MARCHF1: variants seen among roughly 807,000 people sequenced by gnomAD.
MARCHF1 encodes the protein E3 ubiquitin-protein ligase MARCHF1.
A neutral mutation model predicts 54.2 loss-of-function variants in MARCHF1; 40 were observed. The ratio of observed to expected loss-of-function variants is 0.74; its 90% CI spans 0.57 to 0.96. The LOEUF (loss-of-function observed/expected upper bound fraction) is 0.96. MARCHF1 is among the 40% of genes least tolerant of loss of function. The pLI, the probability that MARCHF1 is intolerant of heterozygous loss-of-function variation, is 0.00. For missense variants in MARCHF1, 586 were observed against 656.5 expected, an observed-to-expected ratio of 0.89 and a Z score of 1.17; for synonymous variants, 236 against 236.3, an observed-to-expected ratio of 1.00 and a Z score of 0.01.
At chr4:163,811,682 A>G (rs530902855) in intron 4 of MARCHF1, among the ~76,000 whole-genome samples, 2 of 152,340 alleles carry the variant, frequency 1.3e-5, no homozygotes, top group Non-Finnish European at 2.9e-5. Flanking sequence ...TTTTATTAGA[A>G]AAAAGTAGGC....
At chr4:163,626,356 T>C (rs2110975153) in intron 5 of MARCHF1, among the ~76,000 whole-genome samples, 1 of 152,332 alleles carries the variant, frequency 6.6e-6, no homozygotes, top group Non-Finnish European at 1.5e-5. Context: ...CAAAAGATTC[T>C]AAAGTGGTTG....
At chr4:163,909,211 G>C (rs899230113) in intron 3 of MARCHF1, among the ~76,000 whole-genome samples, 4 of 152,064 alleles carry the variant, frequency 2.6e-5, no homozygotes, top group Non-Finnish European at 5.9e-5. Context: ...TAATTAAATT[G>C]TGTTCACACA....
chr4:163,925,276 G>A (rs1360073049), intron 3 of MARCHF1, among the ~76,000 whole-genome samples: 1 of 151,816 alleles, frequency 6.6e-6, no homozygotes, highest in Non-Finnish European at 1.5e-5. Flanking sequence ...ATTCAGAGTA[G>A]AACCCCAGAT....
At chr4:163,716,733 C>T (rs1745269844) in intron 4 of MARCHF1, among the ~76,000 whole-genome samples, 1 of 152,126 alleles carries the variant, frequency 6.6e-6, no homozygotes, top group African/African-American at 2.4e-5. Flanking sequence ...AAAAGAGTAT[C>T]ACCTAACAAT....
In MARCHF1 at chr4:163,749,755, C is replaced by T. The variant is rs1009229283; in HGVS notation, c.112-48892G>A. Among the ~76,000 whole-genome samples the T allele has an allele frequency of 3.9e-5, 6 of 152,140 alleles. No homozygotes were observed. In the South Asian group the frequency reaches 8.3e-4, roughly 21 times the overall value. The stretch of plus-strand genomic sequence containing the variant: ...GCCAAGCAGAAGCACTTAACAGTGG[C>T]TATCTCAGTAAGATGTTCAAATATT... On this transcript the variant is annotated intron_variant, in intron 4 of 9. Transcript: ENST00000514618.
At chr4:164,000,383 G>A (rs938738265) in intron 2 of MARCHF1, among the ~76,000 whole-genome samples, 2 of 151,700 alleles carry the variant, frequency 1.3e-5, no homozygotes, top group African/African-American at 4.8e-5. Flanking sequence ...GTAGTTGCCA[G>A]GGATGCCAGA....
intron 4 of MARCHF1, among the ~76,000 whole-genome samples, chr4:163,735,461 G>T (rs1483114242): frequency 1.3e-5 from 2 of 152,110 alleles, no homozygotes; most frequent in African/African-American, 4.8e-5. Flanking sequence ...GGTTTGTGTT[G>T]CTATAACAGA....
chr4:164,168,400 T>G (rs1730436307), intron 1 of MARCHF1, among the ~76,000 whole-genome samples: 1 of 152,022 alleles, frequency 6.6e-6, no homozygotes, highest in Non-Finnish European at 1.5e-5. Flanking sequence ...TGTGTATATG[T>G]CCAAAGGAGA....
chr4:164,109,216 T>A (rs1028107760), intron 2 of MARCHF1, among the ~76,000 whole-genome samples: 3 of 151,994 alleles, frequency 2.0e-5, no homozygotes, highest in Non-Finnish European at 1.5e-5. Flanking sequence ...GATCATATAA[T>A]CCTAGGTTTA....
At chr4:164,307,809 G>A (rs528485358) in intron 1 of MARCHF1, among the ~76,000 whole-genome samples, 17 of 152,264 alleles carry the variant, frequency 1.1e-4, no homozygotes, top group Non-Finnish European at 2.5e-4. Flanking sequence ...TATAATGCAA[G>A]TTGTACAATG....
intron 1 of MARCHF1, among the ~76,000 whole-genome samples, chr4:164,306,615 T>G (rs1225408044): frequency 6.6e-6 from 1 of 152,136 alleles, no homozygotes; most frequent in Non-Finnish European, 1.5e-5. Context: ...CTATATCTGC[T>G]GTAACAAAAT....
intron 7 of MARCHF1, among the ~76,000 whole-genome samples, chr4:163,605,433 T>C (rs4691094): frequency 0.75 from 114,066 of 152,108 alleles, 44,476 homozygotes; most frequent in Non-Finnish European, 0.86. Flanking sequence ...TGTGGAGAAA[T>C]AGGAACGCTT....
At chr4:163,891,889 T>G (rs1750668925) in intron 3 of MARCHF1, among the ~76,000 whole-genome samples, 1 of 152,210 alleles carries the variant, frequency 6.6e-6, no homozygotes, top group South Asian at 2.1e-4. Flanking sequence ...TATTAGCACA[T>G]GCTTTTGCTA....
chr4:164,344,458 TTGTGTG>T lies in MARCHF1; in HGVS notation c.-323+39406_-323+39411del, dbSNP rs144379635. ...TGTGTGTTTGTGCACATGCACGTGTTTGTGTGTGTGTGTGTGTGTGTGTGTGTGTGT... is the reference window on the plus strand; with the variant it reads ...TGTGTGTTTGTGCACATGCACGTGTTTGTGTGTGTGTGTGTGTGTGTGTGT... On this transcript the variant is annotated intron_variant, in intron 1 of 9. Coordinates refer to ENST00000514618, the MANE Select transcript of MARCHF1 (RefSeq NM_001394959.1). Among the ~76,000 whole-genome samples, 1,203 of 148,078 alleles carry T rather than the reference TTGTGTG, an allele frequency of 8.1e-3. 12 individuals are homozygous for T. Among genetic ancestry groups the T allele is most frequent in the African/African-American group, 0.019 (760 of 40,716 alleles).
chr4:163,770,513 C>T (rs551036015), intron 4 of MARCHF1, among the ~76,000 whole-genome samples: 1 of 147,686 alleles, frequency 6.8e-6, no homozygotes, highest in African/African-American at 2.5e-5. Flanking sequence ...ATACATTTTC[C>T]CTCACTGAAC....
chr4:164,211,407 T>C (rs1731771710), intron 1 of MARCHF1, among the ~76,000 whole-genome samples: 1 of 150,818 alleles, frequency 6.6e-6, no homozygotes, highest in East Asian at 2.0e-4. Flanking sequence ...CATATATATA[T>C]ATATACCAAT....
At chr4:164,041,198 TGAAC>T (rs1254215197) in intron 2 of MARCHF1, among the ~76,000 whole-genome samples, 1 of 152,062 alleles carries the variant, frequency 6.6e-6, no homozygotes, top group Non-Finnish European at 1.5e-5. Context: ...TTGCATGGCA[TGAAC>T]GAACAAAATA....
intron 2 of MARCHF1, among the ~76,000 whole-genome samples, chr4:164,062,840 A>C (rs1224036958): frequency 6.6e-6 from 1 of 152,198 alleles, no homozygotes; most frequent in Non-Finnish European, 1.5e-5. Flanking sequence ...TTTCTTAAAT[A>C]ATAATACCTG....
chr4:164,341,797 G>A (rs1729939105), intron 1 of MARCHF1, among the ~76,000 whole-genome samples: 1 of 152,178 alleles, frequency 6.6e-6, no homozygotes, highest in Admixed American at 6.6e-5. Flanking sequence ...TATATGTTAT[G>A]AGGGAACATA....
Sources: allele counts gnomAD v4.1 joint callset (sites outside exome capture counted in the v4.1 genomes callset), GRCh38; gene constraint gnomAD v4.1.1; transcripts MANE v1.5; gene names NCBI Gene and HGNC (gene_info 2026-07-23, HGNC 2026-07-21).